The following TMEM131 variants were observed in gnomAD, a reference collection of about 807,000 sequenced individuals.
The protein encoded by TMEM131 is 2610524E03Rik.
TMEM131 carries 66 observed loss-of-function variants against 211.6 expected under a neutral mutation model. That is an observed-to-expected ratio of 0.31 (90% CI 0.26 to 0.38). The LOEUF (loss-of-function observed/expected upper bound fraction) is 0.38, where lower values mean the gene tolerates loss of function less well. Ranked by LOEUF, TMEM131 falls within the 10% of genes least tolerant of loss-of-function variation. The pLI is 1.00. For synonymous variants in TMEM131, 844 were observed against 841.3 expected (o/e 1.00, Z -0.06); for missense variants, 2,036 against 2,299.3 (o/e 0.89, Z 2.34).
intron 3 of TMEM131, among the ~76,000 whole-genome samples, chr2:97,906,673 T>C (rs1258752729): frequency 6.6e-6 from 1 of 152,150 alleles, no homozygotes; most frequent in Non-Finnish European, 1.5e-5. Flanking sequence ...GGCATTCTAG[T>C]TGAGAGCTCA....
At chr2:97,982,400 A>G (rs1325377101) in intron 1 of TMEM131, among the ~76,000 whole-genome samples, 1 of 152,148 alleles carries the variant, frequency 6.6e-6, no homozygotes, top group Non-Finnish European at 1.5e-5. Flanking sequence ...TTCTTTATAC[A>G]TTCTAGATAC....
chr2:97,802,993 C>A (rs913970131), intron 22 of TMEM131, among the ~76,000 whole-genome samples: 1 of 152,156 alleles, frequency 6.6e-6, no homozygotes, highest in East Asian at 1.9e-4. Flanking sequence ...ATATCTGTCA[C>A]AGATCCTCTG....
intron 31 of TMEM131, among the ~76,000 whole-genome samples, chr2:97,790,586 T>C (rs1217647785): frequency 2.0e-5 from 3 of 152,192 alleles, no homozygotes; most frequent in East Asian, 3.8e-4. Context: ...CACGCTGGTG[T>C]TGGAAGACTG....
chr2:97,857,109 T>C (rs947079167), intron 5 of TMEM131, among the ~76,000 whole-genome samples: 1 of 152,232 alleles, frequency 6.6e-6, no homozygotes, highest in Non-Finnish European at 1.5e-5. Context: ...GTCAAGTTAG[T>C]AGCCTTTAGC....
intron 1 of TMEM131, among the ~76,000 whole-genome samples, chr2:97,944,174 T>A (rs1446248375): frequency 6.6e-6 from 1 of 152,208 alleles, no homozygotes; most frequent in African/African-American, 2.4e-5. Flanking sequence ...CTCGCATTTA[T>A]GGCCAATTGA....
At chr2:97,915,005 G>A (rs1378035422) in intron 2 of TMEM131, among the ~76,000 whole-genome samples, 1 of 152,206 alleles carries the variant, frequency 6.6e-6, no homozygotes, top group East Asian at 1.9e-4. Context: ...AGTAATGCAT[G>A]CGTGATCCAG....
rs1677845812 is a variant in TMEM131 at position 97,943,037 on chromosome 2, A to AAAAGGAAAG, written c.188-15551_188-15550insCTTTCCTTT. On this transcript the variant is annotated intron_variant, in intron 1 of 40. Transcript: ENST00000186436. Reference sequence around the variant, plus strand: ...AAAAGAAAAGAAAAGAAAAGAAAAGAAAAGAAAGAAAGAAAGAAAGAAAGA... The same window carrying AAAAGGAAAG: ...AAAAGAAAAGAAAAGAAAAGAAAAGAAAAGGAAAGAAAGAAAGAAAGAAAGAAAGAAAGA... Among the ~76,000 whole-genome samples, 4 of 66,058 alleles carry AAAAGGAAAG rather than the reference A, an allele frequency of 6.1e-5. No individual in the cohort carries two copies. The East Asian group carries it at 1.1e-3, about 18-fold the overall frequency. The allele number at this position is 66,058 out of a possible 152,430, so 43.3% of individuals were successfully genotyped here. A position where few individuals can be genotyped will look rare whatever the true frequency, so the allele number is the denominator to read the frequency against.
intron 3 of TMEM131, among the ~76,000 whole-genome samples, chr2:97,897,693 G>A (rs1403678467): frequency 1.3e-5 from 2 of 152,012 alleles, no homozygotes; most frequent in African/African-American, 4.8e-5. Context: ...AAGAGATGTC[G>A]CTTCTAGCTT....
intron 1 of TMEM131, among the ~76,000 whole-genome samples, chr2:97,951,841 G>C (rs1678332274): frequency 6.6e-6 from 1 of 152,042 alleles, no homozygotes; most frequent in Non-Finnish European, 1.5e-5. Context: ...CAGGATCAGT[G>C]AACTTGAAGA....
rs150336841 is a variant in TMEM131 at position 97,968,944 on chromosome 2, G to A, written c.187+26532C>T. Among the ~76,000 whole-genome samples the A allele has an allele frequency of 1.8e-3, 277 of 151,880 alleles. 1 individual carries two copies. The highest frequency in any genetic ancestry group is 5.5e-3 in the Admixed American group (84 of 15,240). On this transcript the variant is annotated intron_variant, in intron 1 of 40. Transcript: ENST00000186436. ...CTAAAGAAAAAAAAAAATTAGCTGGGCCTGGAGGCGCACCTCTAGTCTTAG... is the reference window on the plus strand; with the variant it reads ...CTAAAGAAAAAAAAAAATTAGCTGGACCTGGAGGCGCACCTCTAGTCTTAG...
At chr2:97,813,947 G>A in intron 15 of TMEM131, 24 bp downstream of exon 15, 1 of 1,536,176 alleles carries the variant, frequency 6.5e-7, no homozygotes, top group Non-Finnish European at 8.8e-7. Context: ...GAGTTTAAAT[G>A]TTAAAGATGG....
intron 2 of TMEM131, among the ~76,000 whole-genome samples, chr2:97,919,604 T>G (rs1676654528): frequency 6.6e-6 from 1 of 152,222 alleles, no homozygotes; most frequent in Non-Finnish European, 1.5e-5. Context: ...GAGTTTCACC[T>G]TTGTTGCCCA....
chr2:97,865,438 T>C (rs1674233057), intron 4 of TMEM131, among the ~76,000 whole-genome samples: 1 of 152,230 alleles, frequency 6.6e-6, no homozygotes, highest in Non-Finnish European at 1.5e-5. Flanking sequence ...TGCTCTTTAT[T>C]AGGTTGAAGA....
intron 4 of TMEM131, among the ~76,000 whole-genome samples, chr2:97,875,314 C>G (rs1309570965): frequency 6.6e-6 from 1 of 152,122 alleles, no homozygotes; most frequent in Admixed American, 6.6e-5. Context: ...ATCAACAAGA[C>G]AGAAAATTAA....
intron 1 of TMEM131, among the ~76,000 whole-genome samples, chr2:97,973,526 C>T (rs76071282): frequency 0.012 from 1,818 of 152,176 alleles, 39 homozygotes; most frequent in African/African-American, 0.041. Flanking sequence ...AATTAGAGTT[C>T]ATAGAAAAGA....
At chr2:97,950,744 A>G (rs1488635899) in intron 1 of TMEM131, among the ~76,000 whole-genome samples, 1 of 152,106 alleles carries the variant, frequency 6.6e-6, no homozygotes, top group African/African-American at 2.4e-5. Flanking sequence ...TATCTACCAC[A>G]TCTGCATTCT....
At chr2:97,832,004 CAAAAAAAAAA>C (rs770432398) in intron 11 of TMEM131, among the ~76,000 whole-genome samples, 9 of 60,272 alleles carry the variant, frequency 1.5e-4, no homozygotes, top group African/African-American at 2.8e-4. Context: ...AAGTCACTTC[CAAAAAAAAAA>C]AAAAAAAAAA....
At chr2:97,923,628 T>TA (rs71386040) in intron 2 of TMEM131, among the ~76,000 whole-genome samples, 1,218 of 30,198 alleles carry the variant, frequency 0.04, 14 homozygotes, top group Non-Finnish European at 0.075. Context: ...TCTTTTTTTT[T>TA]AAAAAAAAAA....
intron 3 of TMEM131, among the ~76,000 whole-genome samples, chr2:97,896,685 C>T (rs1472425125): frequency 6.6e-6 from 1 of 152,062 alleles, no homozygotes; most frequent in Non-Finnish European, 1.5e-5. Flanking sequence ...ATTGTAACCC[C>T]TGCTGAAAAG....
Sources: gnomAD v4.1 joint callset for allele counts (sites outside exome capture counted in the v4.1 genomes callset) on GRCh38, gnomAD v4.1.1 for gene constraint, MANE v1.5 for transcripts, NCBI Gene and HGNC (gene_info 2026-07-23, HGNC 2026-07-21) for gene names.